LTBP1: variants seen among roughly 807,000 people sequenced by gnomAD.
LTBP1 encodes the protein latent transforming growth factor beta binding protein 1, also known as latent-transforming growth factor beta-binding protein 1.
In LTBP1, 129 loss-of-function variants were observed where a neutral mutation model predicts 207.6. That is an observed-to-expected ratio of 0.62 (90% CI 0.54 to 0.72). The LOEUF is 0.72. Ranked by LOEUF, LTBP1 falls within the 30% of genes least tolerant of loss-of-function variation. The probability of loss-of-function intolerance (pLI) is 0.00; values close to 1 mark genes in which losing one functional copy is unlikely to be tolerated. For synonymous variants in LTBP1, 963 were observed against 833.7 expected, an observed-to-expected ratio of 1.16 and a Z score of -2.67; for missense variants, 2,281 against 2,217.2, an observed-to-expected ratio of 1.03 and a Z score of -0.58.
intron 2 of LTBP1, among the ~76,000 whole-genome samples, chr2:32,969,178 G>A (rs1344116597): frequency 6.7e-6 from 1 of 148,980 alleles, no homozygotes; most frequent in Non-Finnish European, 1.5e-5. Flanking sequence ...CACCTGCATC[G>A]GCCTCCCAAA....
chr2:33,164,964 G>A (rs2084796114), intron 5 of LTBP1, among the ~76,000 whole-genome samples: 1 of 152,208 alleles, frequency 6.6e-6, no homozygotes, highest in Admixed American at 6.5e-5. Flanking sequence ...CATAAGAGTG[G>A]TGGTGGGCCT....
chr2:33,262,172 C>T (rs143596705), intron 13 of LTBP1, among the ~76,000 whole-genome samples: 1 of 152,324 alleles, frequency 6.6e-6, no homozygotes, highest in African/African-American at 2.4e-5. Context: ...TGCCTGGCTA[C>T]CACTGTTCAG....
intron 26 of LTBP1, among the ~76,000 whole-genome samples, chr2:33,353,787 C>A (rs2094815530): frequency 6.6e-6 from 1 of 151,642 alleles, no homozygotes. Flanking sequence ...CTTGGTAGTT[C>A]TGACAATTGA....
At chr2:33,136,016 A>G (rs2082119886) in intron 5 of LTBP1, among the ~76,000 whole-genome samples, 1 of 152,230 alleles carries the variant, frequency 6.6e-6, no homozygotes, top group Non-Finnish European at 1.5e-5. Context: ...ATTTACATCA[A>G]GACAAAATAA....
intron 20 of LTBP1, among the ~76,000 whole-genome samples, chr2:33,296,401 A>G (rs1019054826): frequency 6.6e-6 from 1 of 152,088 alleles, no homozygotes; most frequent in African/African-American, 2.4e-5. Context: ...GGACCCAAGT[A>G]CTTGTTCAAG....
Position 33,312,430 on chromosome 2 carries a change from T to C in LTBP1, c.3605-2714T>C, listed in dbSNP as rs553828215. On this transcript the variant is annotated intron_variant, in intron 23 of 33. Coordinates refer to ENST00000404816, the MANE Select transcript of LTBP1 (RefSeq NM_206943.4). ...GGAAATTCCATGTTAATAGTCTCTT[T>C]AGAAATGTGGCAGGATACATTTGAG... Among the ~76,000 whole-genome samples the C allele has an allele frequency of 2.6e-5, 4 of 152,348 alleles. No homozygotes were observed. In the East Asian group the frequency reaches 7.7e-4, roughly 29 times the overall value.
chr2:33,111,366 C>T (rs969681917), intron 4 of LTBP1, among the ~76,000 whole-genome samples: 2 of 152,190 alleles, frequency 1.3e-5, no homozygotes, highest in South Asian at 2.1e-4. Context: ...TGTCTGCCGG[C>T]AGCATCTGGA....
At chr2:33,340,101 C>CA (rs963267626) in intron 24 of LTBP1, among the ~76,000 whole-genome samples, 5 of 150,974 alleles carry the variant, frequency 3.3e-5, no homozygotes, top group African/African-American at 1.2e-4. Flanking sequence ...ACTAAAAATA[C>CA]AAAAAAATTA....
At chr2:33,348,273 G>A (rs1203030483) in intron 26 of LTBP1, among the ~76,000 whole-genome samples, 7 of 152,086 alleles carry the variant, frequency 4.6e-5, no homozygotes, top group South Asian at 2.1e-4. Context: ...TCCTCTGGAG[G>A]ATACACTTGT....
intron 24 of LTBP1, 68 bp downstream of exon 24, chr2:33,315,337 C>G: frequency 1.9e-6 from 3 of 1,587,384 alleles, no homozygotes; most frequent in Non-Finnish European, 2.6e-6. Context: ...TTCACTTATA[C>G]AAAGACTTGA....
At chr2:33,005,687 A>G (rs1686758660) in intron 2 of LTBP1, among the ~76,000 whole-genome samples, 1 of 151,244 alleles carries the variant, frequency 6.6e-6, no homozygotes, top group African/African-American at 2.4e-5. Context: ...CCCAGGCTCA[A>G]GCAATTCTCG....
chr2:33,100,989 A>G (rs2150135504), intron 3 of LTBP1, among the ~76,000 whole-genome samples: 1 of 152,310 alleles, frequency 6.6e-6, no homozygotes, highest in Admixed American at 6.5e-5. Flanking sequence ...TGTTATGAAT[A>G]ATGCTGCAGT....
At position 33,385,076 on chromosome 2, in the gene LTBP1, C is replaced by T. The variant is rs1285738773; in HGVS notation, c.4712-4108C>T. ...TAAAAATTCTTGGACATCAGTTTTT[C>T]CCCTGTACTTTGAGTTCTGATGATC... On this transcript the variant is annotated intron_variant, in intron 31 of 33. Coordinates refer to ENST00000404816, the MANE Select transcript of LTBP1 (RefSeq NM_206943.4). 3.3e-5 allele frequency among the ~76,000 whole-genome samples: 5 copies of T among 152,140 alleles called. No homozygotes were observed. The East Asian group carries it at 9.6e-4, about 29-fold the overall frequency.
At position 33,343,945 on chromosome 2, in the gene LTBP1, T is replaced by C. The variant is rs149982262; in HGVS notation, c.3856+982T>C. On this transcript the variant is annotated intron_variant, in intron 25 of 33. Coordinates refer to ENST00000404816, the MANE Select transcript of LTBP1 (RefSeq NM_206943.4). ...TTTATAGATAGCAAGACTTTTCTTT[T>C]TCTTTATTCTTAGAGAAAAATAGCC... Among the ~76,000 whole-genome samples, 3 of 152,344 alleles carry C rather than the reference T, an allele frequency of 2.0e-5. No individual in the cohort carries two copies. In the East Asian group the frequency reaches 5.8e-4, roughly 29 times the overall value.
intron 3 of LTBP1, among the ~76,000 whole-genome samples, chr2:33,098,682 G>T (rs1258927635): frequency 2.0e-5 from 3 of 151,852 alleles, no homozygotes; most frequent in Admixed American, 6.6e-5. Context: ...CAGGTAATCC[G>T]CCCACCTTGG....
At chr2:33,275,208 C>A in intron 17 of LTBP1, 118 bp downstream of exon 17, 1 of 1,205,362 alleles carries the variant, frequency 8.3e-7, no homozygotes, top group Non-Finnish European at 1.1e-6. Context: ...AAACAATTAT[C>A]ATGACAGCAG....
At chr2:33,005,478 T>C (rs1412457468) in intron 2 of LTBP1, among the ~76,000 whole-genome samples, 1 of 152,154 alleles carries the variant, frequency 6.6e-6, no homozygotes, top group Admixed American at 6.5e-5. Flanking sequence ...GAAGTGTTGC[T>C]GCCTGACCTT....
chr2:33,034,300 A>G lies in LTBP1; in HGVS notation c.863+13094A>G, dbSNP rs187219173. Among the ~76,000 whole-genome samples, 18 of 152,204 alleles carry G rather than the reference A, an allele frequency of 1.2e-4. No individual in the cohort carries two copies. In the East Asian group the frequency reaches 3.3e-3, roughly 28 times the overall value. ...AGAATAAGTGCAAATGAAAAAGAATACTGAAAACATTTTCAGAACCCATGA... is the reference window on the plus strand; with the variant it reads ...AGAATAAGTGCAAATGAAAAAGAATGCTGAAAACATTTTCAGAACCCATGA... On this transcript the variant is annotated intron_variant, in intron 3 of 33. Transcript: ENST00000404816.
At chr2:33,100,492 G>A (rs1354815119) in intron 3 of LTBP1, among the ~76,000 whole-genome samples, 1 of 151,608 alleles carries the variant, frequency 6.6e-6, no homozygotes, top group Non-Finnish European at 1.5e-5. Context: ...TTTTTTCAAG[G>A]AATCTAGGGT....
Sources: allele counts gnomAD v4.1 joint callset (sites outside exome capture counted in the v4.1 genomes callset), GRCh38; gene constraint gnomAD v4.1.1; transcripts MANE v1.5; gene names NCBI Gene and HGNC (gene_info 2026-07-23, HGNC 2026-07-21).